SLC25A48: variants seen among roughly 807,000 people sequenced by gnomAD.
The protein encoded by SLC25A48 is CTC-321K16.1.
SLC25A48 carries 29 observed loss-of-function variants against 32.2 expected under a neutral mutation model. The observed-to-expected ratio is 0.90, with a 90% CI of 0.67 to 1.23. The LOEUF (loss-of-function observed/expected upper bound fraction) is 1.23. SLC25A48 is among the 50% of genes most tolerant of loss of function. The pLI is 0.00. For missense variants in SLC25A48, 399 were observed against 422.7 expected, an observed-to-expected ratio of 0.94 and a Z score of 0.49; for synonymous variants, 164 against 172.3, an observed-to-expected ratio of 0.95 and a Z score of 0.38.
intron 3 of SLC25A48, among the ~76,000 whole-genome samples, chr5:135,773,881 C>G (rs895335846): frequency 1.3e-5 from 2 of 151,366 alleles, no homozygotes; most frequent in African/African-American, 4.9e-5. Flanking sequence ...GGACTGTACA[C>G]CACCAATGTG....
Position 135,710,857 on chromosome 5 carries a change from C to G in SLC25A48, c.-521+75901C>G, listed in dbSNP as rs545168251. 4.0e-4 allele frequency among the ~76,000 whole-genome samples: 55 copies of G among 137,146 alleles called. 1 individual carries two copies. In the South Asian group the frequency reaches 0.013, roughly 34 times the overall value. The allele number at this position is 137,146 out of a possible 152,430, so 90.0% of individuals were successfully genotyped here. A position where few individuals can be genotyped will look rare whatever the true frequency, so the allele number is the denominator to read the frequency against. Reference sequence around the variant, plus strand: ...TGGACAGTTTCATAATACCAAGTTTCAAAAGTTTATTTCCTCCTCGAAGTA... The same window carrying G: ...TGGACAGTTTCATAATACCAAGTTTGAAAAGTTTATTTCCTCCTCGAAGTA... On this transcript the variant is annotated intron_variant, in intron 3 of 10. Transcript: ENST00000646290.
At chr5:135,707,551 C>A (rs1027686104) in intron 3 of SLC25A48, among the ~76,000 whole-genome samples, 9 of 152,168 alleles carry the variant, frequency 5.9e-5, no homozygotes, top group African/African-American at 2.2e-4. Flanking sequence ...GCCCACCAAG[C>A]ACACTGCTGC....
intron 3 of SLC25A48, among the ~76,000 whole-genome samples, chr5:135,652,070 G>T (rs538768647): frequency 9.2e-5 from 14 of 152,342 alleles, no homozygotes; most frequent in African/African-American, 3.4e-4. Flanking sequence ...CCTAGTGCTT[G>T]CTCAATGGGA....
At chr5:135,702,850 C>A (rs547213199) in intron 3 of SLC25A48, among the ~76,000 whole-genome samples, 2 of 152,350 alleles carry the variant, frequency 1.3e-5, no homozygotes, top group Admixed American at 1.3e-4. Flanking sequence ...TCCGGGAGCA[C>A]CCTTTGAGAA....
intron 4 of SLC25A48, among the ~76,000 whole-genome samples, chr5:135,862,013 A>G (rs1380949909): frequency 6.6e-6 from 1 of 152,214 alleles, no homozygotes; most frequent in African/African-American, 2.4e-5. Context: ...TGCCTGTGAC[A>G]GTAAGGCACC....
intron 4 of SLC25A48, among the ~76,000 whole-genome samples, chr5:135,865,449 A>G (rs1161602029): frequency 1.3e-5 from 2 of 152,190 alleles, no homozygotes; most frequent in Non-Finnish European, 2.9e-5. Context: ...GCTTCCATCA[A>G]ATCTAAGCAG....
At chr5:135,778,757 G>A (rs372997192) in intron 3 of SLC25A48, among the ~76,000 whole-genome samples, 2 of 308 alleles carry the variant, frequency 6.5e-3, no homozygotes, top group Non-Finnish European at 0.016. Flanking sequence ...TGCAGGGGAT[G>A]TGCACCCCTC....
At chr5:135,717,896 G>A (rs1754844701) in intron 3 of SLC25A48, among the ~76,000 whole-genome samples, 1 of 152,172 alleles carries the variant, frequency 6.6e-6, no homozygotes, top group South Asian at 2.1e-4. Context: ...ACAGGTAAAA[G>A]GAACGTCAGG....
chr5:135,817,633 TTAGA>T (rs1482966119), intron 4 of SLC25A48, among the ~76,000 whole-genome samples: 2 of 152,216 alleles, frequency 1.3e-5, no homozygotes, highest in African/African-American at 2.4e-5. Flanking sequence ...CAAAGATTTC[TTAGA>T]TAGCATACAA....
At chr5:135,858,700 GACA>G (rs1301202182) in intron 4 of SLC25A48, among the ~76,000 whole-genome samples, 1 of 152,232 alleles carries the variant, frequency 6.6e-6, no homozygotes, top group African/African-American at 2.4e-5. Flanking sequence ...CTGAGGTTAT[GACA>G]ACGTTGATAA....
intron 4 of SLC25A48, among the ~76,000 whole-genome samples, chr5:135,822,618 C>T (rs1757921211): frequency 6.6e-6 from 1 of 152,324 alleles, no homozygotes; most frequent in East Asian, 1.9e-4. Flanking sequence ...TTAGGGCCCA[C>T]CCTGACCCGG....
At chr5:135,640,615 C>T (rs1752812934) in intron 3 of SLC25A48, among the ~76,000 whole-genome samples, 1 of 151,864 alleles carries the variant, frequency 6.6e-6, no homozygotes, top group Non-Finnish European at 1.5e-5. Flanking sequence ...GAAATTGAAC[C>T]CAGAAATATA....
intron 1 of SLC25A48, chr5:135,835,212 C>T (rs1758395796): frequency 8.6e-6 from 5 of 578,288 alleles, no homozygotes; most frequent in Non-Finnish European, 1.6e-5. Flanking sequence ...GCGCACACAC[C>T]CTTCAGTGAC....
At chr5:135,777,355 A>G (rs1190207564) in intron 3 of SLC25A48, among the ~76,000 whole-genome samples, 1 of 151,658 alleles carries the variant, frequency 6.6e-6, no homozygotes, top group African/African-American at 2.4e-5. Context: ...AAGAGAGGAT[A>G]TTACTCCCAA....
Position 135,669,346 on chromosome 5 carries a change from C to T in SLC25A48, c.-521+34390C>T, listed in dbSNP as rs1164997682. ...GATAGGGGCTGCCTTCTTGGGTTCT[C>T]CCACCAGCAGACTCTGAGAGAAGGA... On this transcript the variant is annotated intron_variant, in intron 3 of 10. Transcript: ENST00000646290. Among the ~76,000 whole-genome samples the T allele has an allele frequency of 3.9e-5, 6 of 152,222 alleles. No homozygotes were observed. In the East Asian group the frequency reaches 1.2e-3, roughly 29 times the overall value.
At chr5:135,791,474 G>A (rs548649148) in intron 3 of SLC25A48, among the ~76,000 whole-genome samples, 4 of 151,666 alleles carry the variant, frequency 2.6e-5, no homozygotes, top group South Asian at 2.1e-4. Context: ...GATATTATGC[G>A]TTATATCCTA....
intron 1 of SLC25A48, among the ~76,000 whole-genome samples, chr5:135,584,374 A>G (rs1420681172): frequency 1.3e-5 from 2 of 152,264 alleles, no homozygotes; most frequent in East Asian, 3.8e-4. Context: ...CAATTAACCA[A>G]TTCATCAAAG....
chr5:135,637,650 C>T (rs1453336796), intron 3 of SLC25A48, among the ~76,000 whole-genome samples: 1 of 152,186 alleles, frequency 6.6e-6, no homozygotes, highest in Non-Finnish European at 1.5e-5. Flanking sequence ...GCTGAAAACT[C>T]TGGTAGATAG....
intron 3 of SLC25A48, among the ~76,000 whole-genome samples, chr5:135,753,140 C>T (rs1360358878): frequency 6.6e-6 from 1 of 151,900 alleles, no homozygotes; most frequent in African/African-American, 2.4e-5. Flanking sequence ...AGGGGGTGTA[C>T]AGAAACAGGT....
Sources: gnomAD v4.1 joint callset for allele counts (sites outside exome capture counted in the v4.1 genomes callset) on GRCh38, gnomAD v4.1.1 for gene constraint, MANE v1.5 for transcripts, NCBI Gene and HGNC (gene_info 2026-07-23, HGNC 2026-07-21) for gene names.